TCIRG1: variants seen among roughly 807,000 people sequenced by gnomAD.
TCIRG1 encodes V-type proton ATPase 116 kDa subunit a 3.
A neutral mutation model predicts 95.5 loss-of-function variants in TCIRG1; 86 were observed. The observed-to-expected ratio is 0.90, with a 90% CI of 0.76 to 1.08. The LOEUF is 1.08. Among genes scored for constraint, TCIRG1 ranks in the 50% least tolerant of loss-of-function variants. The pLI is 0.00. For missense variants in TCIRG1, 1,069 were observed against 1,140.2 expected, an observed-to-expected ratio of 0.94 and a Z score of 0.90; for synonymous variants, 499 against 501.3, an observed-to-expected ratio of 1.00 and a Z score of 0.06.
At chr11:68,045,223 C>A in intron 10 of TCIRG1, 121 bp downstream of exon 10, 1 of 1,244,082 alleles carries the variant, frequency 8.0e-7, no homozygotes, top group Non-Finnish European at 1.1e-6. Context: ...GGATGAGGGG[C>A]ACACATCCCA....
chr11:68,050,854 A>T lies in TCIRG1; in HGVS notation c.*35A>T. 6.3e-7 allele frequency: 1 copy of T among 1,598,826 alleles called. No individual in the cohort carries two copies. The highest frequency in any genetic ancestry group is 1.1e-5 in the South Asian group (1 of 90,822). On this transcript the variant is annotated 3_prime_UTR_variant, in exon 20 of 20. Transcript: ENST00000265686. ...CAGGTCCTGCCAGACCTCCTTCCTG[A>T]CCTCTGAGGCAGGAGAGGAATAAAG...
downstream of TCIRG1, chr11:68,052,348 T>A (rs1855825049): frequency 6.6e-6 from 1 of 152,298 alleles, no homozygotes; most frequent in Non-Finnish European, 1.5e-5. Context: ...CGGCTCCACA[T>A]GTATCTCTGC....
intron 10 of TCIRG1, 60 bp downstream of exon 10, chr11:68,045,162 TG>T (rs769206894): frequency 6.3e-7 from 1 of 1,592,842 alleles, no homozygotes; most frequent in Non-Finnish European, 8.5e-7. Context: ...ACTGGGTGGG[TG>T]TGAGCCTGAG....
At chr11:68,048,147 C>T (rs1240822482) in intron 13 of TCIRG1, 175 bp downstream of exon 13, 2 of 696,432 alleles carry the variant, frequency 2.9e-6, no homozygotes, top group East Asian at 2.7e-5. Flanking sequence ...GCATCACAGT[C>T]CCCTGAGTGT....
rs752849425 is a variant in TCIRG1, at chr11:68,041,320, C to A, written c.49C>A (p.Leu17Met). The A allele has an allele frequency of 6.2e-7, 1 of 1,613,286 alleles. No homozygotes were observed. Among genetic ancestry groups the A allele is most frequent in the South Asian group, 1.1e-5 (1 of 91,092 alleles). ...SEEVALVQLF[L>M]PTAAAYTCVS... ...GGAGGTGGCCCTGGTCCAGCTCTTT[C>A]TGCCCACAGCGGCTGCCTACACCTG... Residue 17 changes from leucine to methionine, a missense_variant, in exon 2 of 20, where the codon CTG (leucine) becomes ATG (methionine). Coordinates refer to ENST00000265686, the MANE Select transcript of TCIRG1 (RefSeq NM_006019.4).
rs753897523 is a variant in TCIRG1, at chr11:68,049,250, C to A, written c.1843C>A (p.Leu615Ile). 42 of 1,613,406 alleles carry A rather than the reference C, an allele frequency of 2.6e-5. No individual in the cohort carries two copies. Among genetic ancestry groups the A allele is most frequent in the Non-Finnish European group, 3.3e-5 (39 of 1,179,890 alleles). Residue 615 changes from leucine (L) to isoleucine (I), a missense_variant, in exon 15 of 20, where the codon CTC becomes ATC. Coordinates refer to ENST00000265686, the MANE Select transcript of TCIRG1 (RefSeq NM_006019.4). ...SILIHFINMFLFSHSPSNRLL... is the reference protein window; with the variant it reads ...SILIHFINMFIFSHSPSNRLL... ...CCTCATCCACTTCATCAACATGTTCCTCTTCTCCCACAGCCCCAGCAACAG... is the reference window on the plus strand; with the variant it reads ...CCTCATCCACTTCATCAACATGTTCATCTTCTCCCACAGCCCCAGCAACAG...
intron 10 of TCIRG1, chr11:68,046,844 G>A (rs1048241830): frequency 4.4e-6 from 2 of 455,996 alleles, no homozygotes; most frequent in East Asian, 6.9e-5. Context: ...AACAGCAACA[G>A]CTGAAGCTGC....
intron 9 of TCIRG1, among the ~76,000 whole-genome samples, chr11:68,044,630 A>G (rs1231584618): frequency 6.6e-6 from 1 of 152,108 alleles, no homozygotes; most frequent in Non-Finnish European, 1.5e-5. Context: ...AGGCCTGCTC[A>G]TGGTCTGTGG....
At chr11:68,040,898 C>T (rs993322049) in intron 1 of TCIRG1, among the ~76,000 whole-genome samples, 3 of 152,226 alleles carry the variant, frequency 2.0e-5, no homozygotes, top group Non-Finnish European at 4.4e-5. Context: ...GCCTAAGTGC[C>T]TGGGCCAGTG....
Position 68,043,863 on chromosome 11 carries a change from G to C in TCIRG1, c.763G>C (p.Gly255Arg), listed in dbSNP as rs376201635. ...TCTGCAGCAGGAGGAGGCCCGCCTCGGGGCCCTGCAGCAGCTGCAACAGCA... is the reference window on the plus strand; with the variant it reads ...TCTGCAGCAGGAGGAGGCCCGCCTCCGGGCCCTGCAGCAGCTGCAACAGCA... ...PFLQQEEARL[G>R]ALQQLQQQSQ... Residue 255 changes from glycine to arginine, a missense_variant, in exon 8 of 20, where the codon GGG becomes CGG. Transcript: ENST00000265686. 2.5e-6 allele frequency: 4 copies of C among 1,569,548 alleles called. No homozygotes were observed. Among genetic ancestry groups the C allele is most frequent in the Non-Finnish European group, 3.5e-6 (4 of 1,158,254 alleles).
chr11:68,048,977 C>T lies in TCIRG1; in HGVS notation c.1653C>T (p.Val551=). Residue 551 remains valine (V), a synonymous_variant, in exon 14 of 20, where the codon GTC becomes GTT. Coordinates refer to ENST00000265686, the MANE Select transcript of TCIRG1 (RefSeq NM_006019.4). ...TCGTGCACATGGCCTTTGGGGTGGT[C>T]CTCGGAGTCTTCAACCACGTGTGAG... ...LGVVHMAFGV[V]LGVFNHVHFG... The T allele has an allele frequency of 2.5e-6, 4 of 1,613,678 alleles. No homozygotes were observed. Among genetic ancestry groups the T allele is most frequent in the Non-Finnish European group, 3.4e-6 (4 of 1,179,998 alleles).
chr11:68,044,209 G>C lies in TCIRG1; in HGVS notation c.885G>C (p.Gln295His), dbSNP rs573287519. Residue 295 changes from glutamine to histidine, a missense_variant, in exon 9 of 20, where the codon CAG (glutamine) becomes CAC (histidine). Gln to His is a conservative substitution (Grantham distance 24). Coordinates refer to ENST00000265686, the MANE Select transcript of TCIRG1 (RefSeq NM_006019.4). ...AGCTGCTGCCGCCAGGGCAGGTGCA[G>C]GTCCACAAGATGAAGGCCGTGTACC... ...VLQLLPPGQV[Q>H]VHKMKAVYLA... The C allele has an allele frequency of 6.4e-7, 1 of 1,570,044 alleles. No individual in the cohort carries two copies. The highest frequency in any genetic ancestry group is 1.2e-5 in the South Asian group (1 of 85,314).
In TCIRG1 at chr11:68,044,322, A is replaced by G. The variant is rs1292723921; in HGVS notation, c.998A>G (p.Gln333Arg). ...TCTGTGCGAGACCTGCCCGCCCTGCAGGAGGCCCTGCGGGACAGCTCGGTG... is the reference window on the plus strand; with the variant it reads ...TCTGTGCGAGACCTGCCCGCCCTGCGGGAGGCCCTGCGGGACAGCTCGGTG... ...WCSVRDLPALQEALRDSSMEE... is the reference protein window; with the variant it reads ...WCSVRDLPALREALRDSSMEE... Residue 333 changes from glutamine to arginine, a missense_variant, in exon 9 of 20, where the codon CAG (glutamine) becomes CGG (arginine). Gln to Arg is a conservative substitution (Grantham distance 43). Transcript: ENST00000265686. 3 of 1,595,112 alleles carry G rather than the reference A, an allele frequency of 1.9e-6. No homozygotes were observed. Among genetic ancestry groups the G allele is most frequent in the Non-Finnish European group, 2.6e-6 (3 of 1,174,456 alleles).
chr11:68,042,709 C>A lies in TCIRG1; in HGVS notation c.263C>A (p.Ala88Glu). ...CCCCCGCCAAAGGGGAGGCTGCCGG[C>A]ACCCCCACCCCGGGACCTGCTGCGC... ...VLPPPKGRLP[A>E]PPPRDLLRIQ... Residue 88 changes from alanine (A) to glutamate (E), a missense_variant, in exon 4 of 20, where the codon GCA becomes GAA. Physicochemically the swap from Ala to Glu is moderately radical, Grantham distance 107. Coordinates refer to ENST00000265686, the MANE Select transcript of TCIRG1 (RefSeq NM_006019.4). The A allele has an allele frequency of 6.5e-7, 1 of 1,545,976 alleles. No homozygotes were observed. The highest frequency in any genetic ancestry group is 1.2e-5 in the South Asian group (1 of 83,816).
At chr11:68,049,549 G>T (rs1274343781) in intron 15 of TCIRG1, 114 bp from the exon 16 acceptor site, 1 of 1,429,690 alleles carries the variant, frequency 7.0e-7, no homozygotes, top group Non-Finnish European at 9.5e-7. Flanking sequence ...GCCCCCGGGG[G>T]CCCTGGAGGG....
At position 68,050,397 on chromosome 11, in the gene TCIRG1, G is replaced by C. The variant is rs920242089; in HGVS notation, c.2237-90G>C. On this transcript the variant is annotated intron_variant, in intron 18 of 19. Transcript: ENST00000265686. ...CAAGGAGGTCCCTCGCTGGCCCCCC[G>C]TGCAGGGAGGGCTTCAGGCTGCGGC... 9.9e-6 allele frequency: 16 copies of C among 1,608,966 alleles called. No homozygotes were observed. The Admixed American group carries it at 2.2e-4, about 22-fold the overall frequency.
downstream of TCIRG1, chr11:68,052,132 G>A (rs1354794464): frequency 6.6e-6 from 1 of 152,270 alleles, no homozygotes; most frequent in East Asian, 1.9e-4. Context: ...ACAGGCCCGA[G>A]CCCATCCTTG....
At chr11:68,044,673 C>T in intron 9 of TCIRG1, 1 of 591,248 alleles carries the variant, frequency 1.7e-6, no homozygotes, top group Non-Finnish European at 3.0e-6. Flanking sequence ...CCGGGGGTCA[C>T]CCGCCGCGCA....
At chr11:68,047,252 G>GGC (rs1855537831) in intron 10 of TCIRG1, among the ~76,000 whole-genome samples, 181 bp from the exon 11 acceptor site, 1 of 28,088 alleles carries the variant, frequency 3.6e-5, no homozygotes. Flanking sequence ...CTCGGGTGAT[G>GGC]CCCCCCCCCC....
Sources: allele counts gnomAD v4.1 joint callset (sites outside exome capture counted in the v4.1 genomes callset), GRCh38; gene constraint gnomAD v4.1.1; transcripts MANE v1.5; gene names NCBI Gene and HGNC (gene_info 2026-07-23, HGNC 2026-07-21).